SPEN: variants seen among roughly 807,000 people sequenced by gnomAD.
The protein encoded by SPEN is spen family transcriptional repressor.
In SPEN, 18 loss-of-function variants were observed where a neutral mutation model predicts 269.9. That is an observed-to-expected ratio of 0.07 (90% CI 0.05 to 0.10). SPEN has a LOEUF of 0.10. Among genes scored for constraint, SPEN ranks in the 10% least tolerant of loss-of-function variants. The probability of loss-of-function intolerance (pLI) is 1.00; values close to 1 mark genes in which losing one functional copy is unlikely to be tolerated. For synonymous variants in SPEN, 1,726 were observed against 1,765.7 expected (o/e 0.98, Z 0.56); for missense variants, 3,822 against 4,631.2 (o/e 0.83, Z 5.07).
chr1:15,917,100 C>G (rs542379865), intron 6 of SPEN, among the ~76,000 whole-genome samples: 8 of 152,256 alleles, frequency 5.3e-5, no homozygotes, highest in Non-Finnish European at 2.9e-5. Context: ...TGTACTCCAG[C>G]GTGGGTGACA....
At chr1:15,926,480 G>A (rs1443703573) in intron 10 of SPEN, among the ~76,000 whole-genome samples, 1 of 150,496 alleles carries the variant, frequency 6.6e-6, no homozygotes, top group Non-Finnish European at 1.5e-5. Flanking sequence ...ATGTGTTATC[G>A]ATGCTTCCAG....
intron 3 of SPEN, among the ~76,000 whole-genome samples, chr1:15,890,234 G>A (rs1182105273): frequency 1.3e-5 from 2 of 151,970 alleles, no homozygotes; most frequent in South Asian, 2.1e-4. Context: ...CAAATAGGTG[G>A]GAACACATTA....
chr1:15,910,806 A>G (rs947907564), intron 4 of SPEN, among the ~76,000 whole-genome samples: 1 of 152,160 alleles, frequency 6.6e-6, no homozygotes, highest in African/African-American at 2.4e-5. Flanking sequence ...TCAGAATTGT[A>G]CAATAATCTC....
In SPEN at chr1:15,852,056, G is replaced by A. The variant is rs1247881604; in HGVS notation, c.83+3906G>A. Among the ~76,000 whole-genome samples, 8 of 152,148 alleles carry A rather than the reference G, an allele frequency of 5.3e-5. 1 individual carries two copies. Among genetic ancestry groups the A allele is most frequent in the African/African-American group, 1.9e-4 (8 of 41,426 alleles). ...TGATTTAAAATGTTTGATCACAGTG[G>A]TTTTCCTGAGTTAAATAGATGGAAT... On this transcript the variant is annotated intron_variant, in intron 1 of 14. Transcript: ENST00000375759.
chr1:15,938,587 TTC>T, intron 13 of SPEN, 129 bp from the exon 14 acceptor site: 3 of 346,496 alleles, frequency 8.7e-6, no homozygotes, highest in East Asian at 4.8e-5. Flanking sequence ...TTTTTTTTCA[TTC>T]AAATATCAGG....
intron 1 of SPEN, among the ~76,000 whole-genome samples, chr1:15,852,903 C>T (rs1478204564): frequency 6.6e-6 from 1 of 152,154 alleles, no homozygotes; most frequent in African/African-American, 2.4e-5. Flanking sequence ...TTGATTGAGA[C>T]AGAGTCACCC....
Position 15,939,347 on chromosome 1 carries a change from C to G in SPEN, c.10915C>G (p.Leu3639Val). ...FPPCEFSESH[L>V]SRLAPDLLAS... ...GCCCTGTGAGTTCTCTGAGAGTCACCTGTCCCGCCTGGCCCCTGACCTCCT... is the reference window on the plus strand; with the variant it reads ...GCCCTGTGAGTTCTCTGAGAGTCACGTGTCCCGCCTGGCCCCTGACCTCCT... The change falls in exon 15 of 15, where the codon CTG (leucine) becomes GTG (valine). Residue 3639 changes from leucine (L) to valine (V), a missense_variant. Around this residue, in one of 16 missense-constraint regions of SPEN, gnomAD observed 103 missense variants for 215.8 expected, o/e 0.48. Transcript: ENST00000375759. The surrounding 1 kb of genome is among the most constrained non-coding windows in gnomAD (Gnocchi z 4.1). 6.2e-7 allele frequency: 1 copy of G among 1,606,836 alleles called. No individual in the cohort carries two copies. Among genetic ancestry groups the G allele is most frequent in the Non-Finnish European group, 8.5e-7 (1 of 1,176,532 alleles).
chr1:15,849,967 C>T (rs768152865), intron 1 of SPEN, among the ~76,000 whole-genome samples: 2 of 152,148 alleles, frequency 1.3e-5, no homozygotes, highest in African/African-American at 2.4e-5. Flanking sequence ...TGTCATTTCT[C>T]ATTATGCAGA....
intron 3 of SPEN, among the ~76,000 whole-genome samples, chr1:15,893,099 AAAC>A (rs902916245): frequency 3.7e-4 from 57 of 152,246 alleles, no homozygotes; most frequent in Middle Eastern, 3.4e-3. Context: ...ACTCTGTCTC[AAAC>A]AACAACAACA....
At chr1:15,874,390 G>A (rs1276873601) in intron 2 of SPEN, 1 of 1,364,094 alleles carries the variant, frequency 7.3e-7, no homozygotes, top group South Asian at 1.1e-5. Flanking sequence ...TCCACACTTG[G>A]AAAAGGTTGG....
chr1:15,915,032 G>GTAAATGAAAAA (rs1228542765), intron 5 of SPEN, among the ~76,000 whole-genome samples: 1 of 152,160 alleles, frequency 6.6e-6, no homozygotes. Context: ...ATGTTGAAAA[G>GTAAATGAAAAA]TAAATGAAAT....
In SPEN at chr1:15,935,348, C is replaced by A. The variant is rs1310807352; in HGVS notation, c.9108C>A (p.Phe3036Leu). The change falls in exon 11 of 15, where the codon TTC becomes TTA. Residue 3036 changes from phenylalanine (F) to leucine (L), a missense_variant. Around this residue, in one of 16 missense-constraint regions of SPEN, gnomAD observed 94 missense variants for 90.4 expected, o/e 1.04. Coordinates refer to ENST00000375759, the MANE Select transcript of SPEN (RefSeq NM_015001.3). The surrounding 1 kb of genome is among the most constrained non-coding windows in gnomAD (Gnocchi z 7.7). ...CAAGTGGACCCGGGCCATCCTCATT[C>A]CCAAGGGCAAGCCACCCCAGCAGTA... is the stretch of plus-strand genomic sequence containing the variant. ...PRPSGPGPSS[F>L]PRASHPSSTA... is the part of the protein sequence containing the mutation. 1 of 1,614,130 alleles carries A rather than the reference C, an allele frequency of 6.2e-7. No individual in the cohort carries two copies. Among genetic ancestry groups the A allele is most frequent in the Admixed American group, 1.7e-5 (1 of 60,026 alleles).
rs370115900 is a variant in SPEN, at chr1:15,935,055, C to T, written c.8815C>T (p.Pro2939Ser). ...VKVLTQGINTPPVLVHNQLVL... is the reference protein window; with the variant it reads ...VKVLTQGINTSPVLVHNQLVL... ...GGTTCTCACCCAGGGGATCAACACACCCCCTGTGCTGGTTCACAACCAGCT... is the reference window on the plus strand; with the variant it reads ...GGTTCTCACCCAGGGGATCAACACATCCCCTGTGCTGGTTCACAACCAGCT... The change falls in exon 11 of 15, where the codon CCC becomes TCC. Residue 2939 changes from proline to serine, a missense_variant. Transcript: ENST00000375759. This position sits in a 1 kb window ranked among gnomAD's most constrained non-coding sequence, Gnocchi z 7.7. 45 of 1,613,966 alleles carry T rather than the reference C, an allele frequency of 2.8e-5. No individual in the cohort carries two copies. Among genetic ancestry groups the T allele is most frequent in the Non-Finnish European group, 3.6e-5 (42 of 1,180,012 alleles).
At chr1:15,919,608 A>G (rs2071097731) in intron 8 of SPEN, 91 bp downstream of exon 8, 1 of 705,342 alleles carries the variant, frequency 1.4e-6, no homozygotes, top group Non-Finnish European at 2.3e-6. Context: ...AGCATTGCCT[A>G]TTTCTTTAAT....
chr1:15,919,466 G>A lies in SPEN; in HGVS notation c.1584G>A (p.Val528=). ...CVWLDGLSSN[V]SDQYLTRHFC... ...GGCTAGATGGGCTTTCTTCGAATGT[G>A]TCAGATCAGTATTTAACACGACATT... The change falls in exon 8 of 15, where the codon GTG becomes GTA. Residue 528 remains valine, a synonymous_variant. Coordinates refer to ENST00000375759, the MANE Select transcript of SPEN (RefSeq NM_015001.3). The A allele has an allele frequency of 6.2e-7, 1 of 1,608,556 alleles. No individual in the cohort carries two copies. Among genetic ancestry groups the A allele is most frequent in the Non-Finnish European group, 8.5e-7 (1 of 1,179,276 alleles).
chr1:15,904,356 C>T (rs2070931786), intron 3 of SPEN, among the ~76,000 whole-genome samples: 1 of 147,032 alleles, frequency 6.8e-6, no homozygotes, highest in Non-Finnish European at 1.5e-5. Flanking sequence ...CAACAAACTA[C>T]TTGGGAGGCT....
At chr1:15,875,670 A>C (rs1476521228) in intron 2 of SPEN, among the ~76,000 whole-genome samples, 1 of 152,168 alleles carries the variant, frequency 6.6e-6, no homozygotes, top group African/African-American at 2.4e-5. Flanking sequence ...TCAAAACTTA[A>C]TGAAAAAAAG....
In SPEN at chr1:15,931,386, C is replaced by T; in HGVS notation, c.5146C>T (p.Pro1716Ser). Residue 1716 changes from proline to serine, a missense_variant, in exon 11 of 15, where the codon CCT becomes TCT. Pro to Ser is a moderately conservative substitution (Grantham distance 74). Coordinates refer to ENST00000375759, the MANE Select transcript of SPEN (RefSeq NM_015001.3). The surrounding 1 kb of genome is among the most constrained non-coding windows in gnomAD (Gnocchi z 4.8). The part of the protein sequence containing the change: ...ADPDKEAAMM[P>S]AGVEEGSSGD... ...CCCCGATAAAGAAGCTGCCATGATG[C>T]CTGCGGGTGTTGAGGAAGGTTCATC... 6.2e-7 allele frequency: 1 copy of T among 1,614,128 alleles called. No individual in the cohort carries two copies.
At chr1:15,914,257 A>AAATTG in intron 5 of SPEN, among the ~76,000 whole-genome samples, 1 of 152,208 alleles carries the variant, frequency 6.6e-6, no homozygotes, top group Non-Finnish European at 1.5e-5. Context: ...GACTTAACTC[A>AAATTG]AGGTCCCTGA....
Sources: gnomAD v4.1 joint callset for allele counts (sites outside exome capture counted in the v4.1 genomes callset) on GRCh38, gnomAD v4.1.1 for gene constraint, gnomAD v4.1.1 regional missense constraint, Gnocchi (gnomAD v3.1) non-coding constraint, MANE v1.5 for transcripts, NCBI Gene and HGNC (gene_info 2026-07-23, HGNC 2026-07-21) for gene names.